Variants in BMP2K observed in about 807,000 individuals in gnomAD.
BMP2K encodes BMP2 inducible kinase.
In BMP2K, 74 loss-of-function variants were observed where a neutral mutation model predicts 116.0. The ratio of observed to expected loss-of-function variants is 0.64; its 90% confidence interval spans 0.53 to 0.77. The LOEUF (loss-of-function observed/expected upper bound fraction) is 0.77, where lower values mean the gene tolerates loss of function less well. Ranked by LOEUF, BMP2K falls within the 30% of genes least tolerant of loss-of-function variation. BMP2K has a pLI of 0.00. For missense variants in BMP2K, 1,365 were observed against 1,403.6 expected (o/e 0.97, Z 0.44); for synonymous variants, 486 against 502.5 (o/e 0.97, Z 0.44).
intron 1 of BMP2K, among the ~76,000 whole-genome samples, chr4:78,803,866 A>G (rs1479243535): frequency 6.6e-6 from 1 of 152,186 alleles, no homozygotes; most frequent in Non-Finnish European, 1.5e-5. Flanking sequence ...ATCATGCCTC[A>G]TCTCCCATAA....
intron 7 of BMP2K, among the ~76,000 whole-genome samples, chr4:78,853,939 G>T (rs1731378429): frequency 6.6e-6 from 1 of 151,926 alleles, no homozygotes; most frequent in African/African-American, 2.4e-5. Context: ...TCTGGATAGG[G>T]GCAGGACATG....
intron 1 of BMP2K, among the ~76,000 whole-genome samples, chr4:78,789,251 T>A (rs1360230276): frequency 6.6e-6 from 1 of 152,208 alleles, no homozygotes; most frequent in East Asian, 1.9e-4. Flanking sequence ...AAAGTCACAT[T>A]ATTAGTGTTG....
chr4:78,783,416 A>G (rs1446945536), intron 1 of BMP2K, among the ~76,000 whole-genome samples: 1 of 152,218 alleles, frequency 6.6e-6, no homozygotes, highest in African/African-American at 2.4e-5. Flanking sequence ...AGTTTTATTC[A>G]AGGACAAGCT....
At chr4:78,802,602 C>T (rs1367718413) in intron 1 of BMP2K, among the ~76,000 whole-genome samples, 1 of 152,076 alleles carries the variant, frequency 6.6e-6, no homozygotes, top group Non-Finnish European at 1.5e-5. Context: ...ATCTTTAAGT[C>T]ATCTGAAATT....
chr4:78,886,258 G>A (rs763076789), intron 14 of BMP2K, among the ~76,000 whole-genome samples: 1 of 152,032 alleles, frequency 6.6e-6, no homozygotes, highest in African/African-American at 2.4e-5. Flanking sequence ...TAGAGTCTTC[G>A]CTCCAGCTCT....
chr4:78,870,761 A>T (rs773315901), intron 10 of BMP2K, 22 bp from the exon 11 acceptor site: 2 of 1,591,172 alleles, frequency 1.3e-6, no homozygotes, highest in Non-Finnish European at 1.7e-6. Context: ...ATGTTAATGT[A>T]AGTGTTTGGA....
intron 1 of BMP2K, among the ~76,000 whole-genome samples, chr4:78,791,374 A>G (rs897873034): frequency 3.9e-5 from 6 of 152,332 alleles, no homozygotes; most frequent in Middle Eastern, 3.4e-3. Flanking sequence ...GCACCTTAAC[A>G]CTAATCAAGG....
Position 78,911,457 on chromosome 4 carries a change from C to A in BMP2K, c.2910C>A (p.Val970=), listed in dbSNP as rs769894741. ...TAACGGGGAGCCAGCAGCAAAAAGTCAAACAGCGCAGCTTACAGAAACTGT... is the reference window on the plus strand; with the variant it reads ...TAACGGGGAGCCAGCAGCAAAAAGTAAAACAGCGCAGCTTACAGAAACTGT... ...DEITGSQQQK[V]KQRSLQKLSS... Residue 970 remains valine (V), a synonymous_variant, in exon 16 of 16, where the codon GTC becomes GTA. Transcript: ENST00000502613. 3.1e-6 allele frequency: 5 copies of A among 1,614,016 alleles called. No individual in the cohort carries two copies. The highest frequency in any genetic ancestry group is 4.2e-6 in the Non-Finnish European group (5 of 1,179,894).
At chr4:78,858,294 T>TA (rs1158172445) in intron 7 of BMP2K, among the ~76,000 whole-genome samples, 1 of 151,966 alleles carries the variant, frequency 6.6e-6, no homozygotes, top group Non-Finnish European at 1.5e-5. Context: ...GGTATCAAGA[T>TA]AAAATAAATT....
In BMP2K at chr4:78,912,131, A is replaced by T; in HGVS notation, c.*98A>T. On this transcript the variant is annotated 3_prime_UTR_variant, in exon 16 of 16. Coordinates refer to ENST00000502613, the MANE Select transcript of BMP2K (RefSeq NM_198892.2). The stretch of plus-strand genomic sequence containing the variant: ...AATTTGGTAGCTCTTTATAGCATTC[A>T]TTCTTAAAGATCAGTCAGAATAGGT... 9.5e-7 allele frequency: 1 copy of T among 1,054,394 alleles called. No homozygotes were observed. The highest frequency in any genetic ancestry group is 2.3e-5 in the Admixed American group (1 of 43,960). The allele number at this position is 1,054,394 out of a possible 1,614,324, so 65.3% of individuals were successfully genotyped here.
chr4:78,794,803 T>C (rs1728174486), intron 1 of BMP2K, among the ~76,000 whole-genome samples: 1 of 152,212 alleles, frequency 6.6e-6, no homozygotes, highest in Admixed American at 6.5e-5. Context: ...GCTCAAGTGA[T>C]TCTCCCACCT....
intron 15 of BMP2K, among the ~76,000 whole-genome samples, chr4:78,896,049 C>G (rs1278580489): frequency 6.6e-6 from 1 of 152,178 alleles, no homozygotes; most frequent in African/African-American, 2.4e-5. Context: ...GTGAGCCATC[C>G]TGCCAAGTCC....
At chr4:78,811,900 T>C (rs1192579386) in intron 1 of BMP2K, among the ~76,000 whole-genome samples, 2 of 152,222 alleles carry the variant, frequency 1.3e-5, no homozygotes, top group Non-Finnish European at 2.9e-5. Flanking sequence ...GGATTACTTA[T>C]AACTGTTACT....
chr4:78,848,387 T>C (rs2110030030), intron 6 of BMP2K, among the ~76,000 whole-genome samples: 1 of 151,672 alleles, frequency 6.6e-6, no homozygotes, highest in Non-Finnish European at 1.5e-5. Flanking sequence ...AAGATGAAGG[T>C]TATTATAATG....
At position 78,776,729 on chromosome 4, in the gene BMP2K, C is replaced by A; in HGVS notation, c.178+8C>A. ...AAGAGTCGCTGGCCGAAGGTACGGG[C>A]GCCCGGGGAGGCTCGGACAGGCAGG... On this transcript the variant is annotated splice_region_variant and intron_variant, in intron 1 of 15. Coordinates refer to ENST00000502613, the MANE Select transcript of BMP2K (RefSeq NM_198892.2). The A allele has an allele frequency of 7.9e-7, 1 of 1,264,624 alleles. No individual in the cohort carries two copies. The highest frequency in any genetic ancestry group is 3.8e-5 in the South Asian group (1 of 26,174). The allele number at this position is 1,264,624 out of a possible 1,614,324, so 78.3% of individuals were successfully genotyped here. A position where few individuals can be genotyped will look rare whatever the true frequency, so the allele number is the denominator to read the frequency against.
At chr4:78,879,033 A>G (rs1732773285) in intron 14 of BMP2K, 142 bp downstream of exon 14, 2 of 1,445,236 alleles carry the variant, frequency 1.4e-6, no homozygotes, top group Non-Finnish European at 1.8e-6. Context: ...ATCTTCTTAT[A>G]CATATACTAT....
At chr4:78,827,774 A>G (rs1301607531) in intron 2 of BMP2K, among the ~76,000 whole-genome samples, 1 of 150,786 alleles carries the variant, frequency 6.6e-6, no homozygotes, top group African/African-American at 2.4e-5. Flanking sequence ...ACAAAACAAA[A>G]CAAAACAAAA....
intron 8 of BMP2K, chr4:78,860,124 G>A (rs766851441): frequency 4.0e-6 from 2 of 496,618 alleles, no homozygotes; most frequent in African/African-American, 2.0e-5. Flanking sequence ...GCCTTGTTAA[G>A]TGGGAACTAA....
chr4:78,778,078 G>A (rs527800103), intron 1 of BMP2K, among the ~76,000 whole-genome samples: 1 of 152,106 alleles, frequency 6.6e-6, no homozygotes, highest in Non-Finnish European at 1.5e-5. Context: ...TTGTGTTGTA[G>A]GTTTTAAAAG....
Sources: gnomAD v4.1 joint callset for allele counts (sites outside exome capture counted in the v4.1 genomes callset) on GRCh38, gnomAD v4.1.1 for gene constraint, MANE v1.5 for transcripts, NCBI Gene and HGNC (gene_info 2026-07-23, HGNC 2026-07-21) for gene names.